ESF1: variants seen among roughly 807,000 people sequenced by gnomAD.
ESF1 encodes ESF1 homolog.
In ESF1, 58 loss-of-function variants were observed where a neutral mutation model predicts 92.0. The observed-to-expected ratio is 0.63, with a 90% CI of 0.51 to 0.78. ESF1 has a LOEUF of 0.78. Ranked by LOEUF, ESF1 falls within the 30% of genes least tolerant of loss-of-function variation. The pLI is 0.00. For missense variants in ESF1, 922 were observed against 989.1 expected (o/e 0.93, Z 0.91); for synonymous variants, 321 against 313.7 (o/e 1.02, Z -0.24).
intron 5 of ESF1, 96 bp downstream of exon 5, chr20:13,772,419 T>G (rs1450293918): frequency 2.2e-6 from 2 of 901,068 alleles, no homozygotes; most frequent in Non-Finnish European, 1.8e-6. Context: ...ATGGCACAAG[T>G]ATAAACTTTA....
intron 10 of ESF1, 87 bp downstream of exon 10, chr20:13,733,634 T>A: frequency 7.3e-7 from 1 of 1,374,278 alleles, no homozygotes; most frequent in Non-Finnish European, 9.8e-7. Context: ...AGTGGTTACA[T>A]TTTGAGATAA....
At chr20:13,748,789 G>A (rs1409709463) in intron 9 of ESF1, among the ~76,000 whole-genome samples, 5 of 151,286 alleles carry the variant, frequency 3.3e-5, no homozygotes, top group East Asian at 1.9e-4. Context: ...AGGGTTTCAC[G>A]TGTTAGCCAG....
intron 11 of ESF1, among the ~76,000 whole-genome samples, chr20:13,727,896 G>A (rs897128512): frequency 4.6e-5 from 7 of 152,078 alleles, no homozygotes; most frequent in Non-Finnish European, 7.4e-5. Flanking sequence ...GCTTTTATAT[G>A]AAATTTCATG....
rs138306812 is a variant in ESF1, at chr20:13,726,775, A to G, written c.2038+1603T>C. Among the ~76,000 whole-genome samples, 229 of 152,286 alleles carry G rather than the reference A, an allele frequency of 1.5e-3. 1 individual carries two copies. The highest frequency in any genetic ancestry group is 5.3e-3 in the African/African-American group (219 of 41,540). On this transcript the variant is annotated intron_variant, in intron 11 of 13. Coordinates refer to ENST00000617257, the MANE Select transcript of ESF1 (RefSeq NM_001276380.2). ...AATGAATAAACAAACATGGCAAGAC[A>G]CTAGCTTTTTGTCCTAAATTTTATG...
chr20:13,771,526 C>T (rs1406476910), intron 5 of ESF1, 43 bp from the exon 6 acceptor site: 2 of 1,483,356 alleles, frequency 1.3e-6, no homozygotes, highest in Non-Finnish European at 1.8e-6. Flanking sequence ...TACAGAAACA[C>T]AAAAATTTCC....
chr20:13,740,369 A>T (rs1043505321), intron 9 of ESF1, among the ~76,000 whole-genome samples: 1 of 152,210 alleles, frequency 6.6e-6, no homozygotes, highest in Non-Finnish European at 1.5e-5. Context: ...TTAAAAGATC[A>T]GACTAACAAA....
At chr20:13,753,810 C>T (rs1160395234) in intron 9 of ESF1, among the ~76,000 whole-genome samples, 1 of 152,156 alleles carries the variant, frequency 6.6e-6, no homozygotes, top group Admixed American at 6.6e-5. Flanking sequence ...TTCATTTTAA[C>T]CCATTTATGC....
chr20:13,746,451 CT>C (rs998016879), intron 9 of ESF1, among the ~76,000 whole-genome samples: 175 of 152,312 alleles, frequency 1.1e-3, no homozygotes, highest in Non-Finnish European at 2.2e-3. Context: ...TTGTCAGTTA[CT>C]CCCCATCAAA....
intron 9 of ESF1, among the ~76,000 whole-genome samples, chr20:13,737,671 T>G (rs996981742): frequency 1.3e-5 from 2 of 152,140 alleles, no homozygotes; most frequent in African/African-American, 2.4e-5. Flanking sequence ...GCTTTTTTTT[T>G]GAGACAGAGT....
In ESF1 at chr20:13,724,032, G is replaced by A. The variant is rs963462892; in HGVS notation, c.2038+4346C>T. On this transcript the variant is annotated intron_variant, in intron 11 of 13. Transcript: ENST00000617257. ...AAACTGGCTGGGTGTGGTGGCTCAC[G>A]CCTGTAATCCCAGCACTTCTGGGAG... Among the ~76,000 whole-genome samples, 17 of 152,268 alleles carry A rather than the reference G, an allele frequency of 1.1e-4. 1 individual carries two copies. The highest frequency in any genetic ancestry group is 4.1e-4 in the African/African-American group (17 of 41,544).
Position 13,766,884 on chromosome 20 carries a change from G to A in ESF1, c.1559C>T (p.Thr520Ile). The A allele has an allele frequency of 1.2e-6, 2 of 1,613,610 alleles. No individual in the cohort carries two copies. The highest frequency in any genetic ancestry group is 2.2e-5 in the East Asian group (1 of 44,818). ...CTTTTTAAACTTCCTGTTGAGCATT[G>A]TAATTCTTTCATGATCAGTCTCATC... Reference protein sequence around the residue: ...TWDETDHERITMLNRKFKKEE... With the variant: ...TWDETDHERIIMLNRKFKKEE... The change falls in exon 8 of 14, where the codon ACA (threonine) becomes ATA (isoleucine). Residue 520 changes from threonine to isoleucine, a missense_variant. By Grantham distance (89) the Thr-to-Ile change is moderately conservative. Coordinates refer to ENST00000617257, the MANE Select transcript of ESF1 (RefSeq NM_001276380.2).
Position 13,714,748 on chromosome 20 carries a change from T to A in ESF1, c.*126A>T. 1.1e-6 allele frequency: 1 copy of A among 909,520 alleles called. No individual in the cohort carries two copies. The highest frequency in any genetic ancestry group is 1.6e-6 in the Non-Finnish European group (1 of 630,160). The allele number at this position is 909,520 out of a possible 1,614,324, so 56.3% of individuals were successfully genotyped here. On this transcript the variant is annotated 3_prime_UTR_variant, in exon 14 of 14. Coordinates refer to ENST00000617257, the MANE Select transcript of ESF1 (RefSeq NM_001276380.2). The stretch of plus-strand genomic sequence containing the variant: ...AATTATTTATGGAGAAAAATTTTAC[T>A]ATGTCCAGAAAAAGATTTTATTCAT...
Position 13,750,374 on chromosome 20 carries a change from G to A in ESF1, c.1828+9318C>T, listed in dbSNP as rs531001063. Among the ~76,000 whole-genome samples, 8 of 152,252 alleles carry A rather than the reference G, an allele frequency of 5.3e-5. No homozygotes were observed. The South Asian group carries it at 6.2e-4, about 12-fold the overall frequency. Reference sequence around the variant, plus strand: ...ATAAAAATTAGTTGGGTGTGGTGACGTGTGCCTGTAGTCCCAGCTACTCGG... The same window carrying A: ...ATAAAAATTAGTTGGGTGTGGTGACATGTGCCTGTAGTCCCAGCTACTCGG... On this transcript the variant is annotated intron_variant, in intron 9 of 13. Coordinates refer to ENST00000617257, the MANE Select transcript of ESF1 (RefSeq NM_001276380.2).
intron 8 of ESF1, among the ~76,000 whole-genome samples, chr20:13,764,422 T>C (rs1256426545): frequency 1.3e-5 from 2 of 152,188 alleles, no homozygotes; most frequent in Non-Finnish European, 2.9e-5. Flanking sequence ...AAGTGAGCTA[T>C]TTTAAGCAAA....
rs531087335 is a variant in ESF1 at position 13,784,909 on chromosome 20, G to A, written c.-73C>T. ...CGCAGTCCTACCAAGCCTCACGTGGGGCTCACACCCACAATCCTCCGCGTG... is the reference window on the plus strand; with the variant it reads ...CGCAGTCCTACCAAGCCTCACGTGGAGCTCACACCCACAATCCTCCGCGTG... On this transcript the variant is annotated 5_prime_UTR_variant, in exon 1 of 14. Coordinates refer to ENST00000617257, the MANE Select transcript of ESF1 (RefSeq NM_001276380.2). 3.0e-6 allele frequency: 2 copies of A among 660,736 alleles called. No individual in the cohort carries two copies. The highest frequency in any genetic ancestry group is 5.2e-6 in the Non-Finnish European group (2 of 385,878). The allele number at this position is 660,736 out of a possible 1,614,324, so 40.9% of individuals were successfully genotyped here. A position where few individuals can be genotyped will look rare whatever the true frequency, so the allele number is the denominator to read the frequency against.
At chr20:13,784,680 GAC>G in intron 1 of ESF1, 198 bp downstream of exon 1, 2 of 230,142 alleles carry the variant, frequency 8.7e-6, no homozygotes, top group Non-Finnish European at 1.8e-5. Context: ...GCAGCTAACA[GAC>G]TGATTCGAGA....
chr20:13,754,787 A>T (rs1469665630), intron 9 of ESF1, among the ~76,000 whole-genome samples: 1 of 152,212 alleles, frequency 6.6e-6, no homozygotes, highest in East Asian at 1.9e-4. Flanking sequence ...GTGGTTTCTC[A>T]TCTCAGTCAC....
At chr20:13,763,815 T>C (rs946495935) in intron 8 of ESF1, among the ~76,000 whole-genome samples, 3 of 152,216 alleles carry the variant, frequency 2.0e-5, no homozygotes, top group African/African-American at 4.8e-5. Context: ...CCATTGCAAA[T>C]ACACATTTTC....
chr20:13,780,681 C>T (rs1181229467), intron 2 of ESF1, among the ~76,000 whole-genome samples: 1 of 152,108 alleles, frequency 6.6e-6, no homozygotes. Flanking sequence ...CAAGACCTCT[C>T]GGCCTATCAA....
Sources: gnomAD v4.1 joint callset for allele counts (sites outside exome capture counted in the v4.1 genomes callset) on GRCh38, gnomAD v4.1.1 for gene constraint, MANE v1.5 for transcripts, NCBI Gene and HGNC (gene_info 2026-07-23, HGNC 2026-07-21) for gene names.